Variants in TUSC3 observed in about 807,000 individuals in gnomAD.
TUSC3 encodes the protein tumor suppressor candidate 3.
In TUSC3, 45 loss-of-function variants were observed where a neutral mutation model predicts 44.8. That is an observed-to-expected ratio of 1.00 (90% CI 0.79 to 1.29). The LOEUF is 1.29. Ranked by LOEUF, TUSC3 falls within the 50% of genes most tolerant of loss-of-function variation. TUSC3 has a pLI of 0.00. For synonymous variants in TUSC3, 212 were observed against 152.9 expected, an observed-to-expected ratio of 1.39 and a Z score of -2.85; for missense variants, 519 against 437.9, an observed-to-expected ratio of 1.19 and a Z score of -1.65.
intron 1 of TUSC3, among the ~76,000 whole-genome samples, chr8:15,465,086 G>C (rs1452791593): frequency 6.6e-6 from 1 of 152,118 alleles, no homozygotes; most frequent in African/African-American, 2.4e-5. Context: ...CTGACCTCGT[G>C]ATCCACCTGC....
chr8:15,698,125 C>G (rs1376389823), intron 6 of TUSC3, among the ~76,000 whole-genome samples: 1 of 151,992 alleles, frequency 6.6e-6, no homozygotes, highest in Non-Finnish European at 1.5e-5. Flanking sequence ...TTAAAAAATA[C>G]TATTGAAGTT....
At chr8:15,593,062 TTATTA>T (rs1354234248) in intron 1 of TUSC3, among the ~76,000 whole-genome samples, 2 of 152,122 alleles carry the variant, frequency 1.3e-5, no homozygotes, top group Non-Finnish European at 2.9e-5. Context: ...CATAAACTCT[TTATTA>T]TATATTAATG....
intron 6 of TUSC3, among the ~76,000 whole-genome samples, chr8:15,678,903 G>A (rs1178932461): frequency 6.6e-6 from 1 of 152,114 alleles, no homozygotes; most frequent in Non-Finnish European, 1.5e-5. Context: ...GTGTGAATTT[G>A]CACCTCTAGC....
chr8:15,726,205 G>A (rs758180575), intron 6 of TUSC3, among the ~76,000 whole-genome samples: 1 of 151,956 alleles, frequency 6.6e-6, no homozygotes, highest in South Asian at 2.1e-4. Flanking sequence ...CTGATATATA[G>A]TATATTTAGC....
chr8:15,420,356 G>T (rs974656248), intron 1 of TUSC3, among the ~76,000 whole-genome samples: 3 of 151,956 alleles, frequency 2.0e-5, no homozygotes, highest in Non-Finnish European at 4.4e-5. Flanking sequence ...AAAATTAGCC[G>T]GGCATGGTGG....
chr8:15,626,344 G>A (rs759608854), intron 2 of TUSC3, among the ~76,000 whole-genome samples: 1 of 152,236 alleles, frequency 6.6e-6, no homozygotes, highest in African/African-American at 2.4e-5. Flanking sequence ...GGGCAGTCAG[G>A]TATGGAGGGG....
intron 1 of TUSC3, among the ~76,000 whole-genome samples, chr8:15,446,167 C>A (rs180821516): frequency 6.7e-6 from 1 of 148,978 alleles, no homozygotes; most frequent in Non-Finnish European, 1.5e-5. Context: ...ACATCCCAGA[C>A]GGGGCATCGG....
At chr8:15,812,330 C>T in the TUSC3 span, among the ~76,000 whole-genome samples, 24 of 152,126 alleles carry the variant, frequency 1.6e-4, 1 homozygote, top group South Asian at 4.1e-4. Context: ...TGTCTGTGTA[C>T]GTTCTAACTA....
chr8:15,556,921 T>TAGGTTGTG (rs1802290374), intron 1 of TUSC3, among the ~76,000 whole-genome samples: 1 of 149,362 alleles, frequency 6.7e-6, no homozygotes, highest in African/African-American at 2.4e-5. Context: ...GTCAGATGAG[T>TAGGTTGTG]AGGTTGTGAA....
At chr8:15,517,816 AT>A (rs1801240898) in intron 2 of TUSC3, among the ~76,000 whole-genome samples, 1 of 152,034 alleles carries the variant, frequency 6.6e-6, no homozygotes, top group African/African-American at 2.4e-5. Flanking sequence ...TAAATAATGC[AT>A]ATGTGTTTTT....
intron 1 of TUSC3, among the ~76,000 whole-genome samples, chr8:15,575,152 G>A (rs549328598): frequency 5.4e-5 from 7 of 130,048 alleles, no homozygotes; most frequent in African/African-American, 2.0e-4. Context: ...ATAATTTTGC[G>A]ATAGATGTAT....
chr8:15,525,521 G>T (rs772428485), intron 2 of TUSC3, among the ~76,000 whole-genome samples: 4 of 152,164 alleles, frequency 2.6e-5, no homozygotes, highest in Non-Finnish European at 5.9e-5. Context: ...AATACTGATA[G>T]GTATGTCTCA....
intron 1 of TUSC3, among the ~76,000 whole-genome samples, chr8:15,473,987 T>A (rs1367622249): frequency 6.6e-6 from 1 of 152,148 alleles, no homozygotes; most frequent in African/African-American, 2.4e-5. Context: ...TTGGTCCTTA[T>A]CTCAACCACT....
At chr8:15,418,914 G>A (rs1266181419) in intron 1 of TUSC3, among the ~76,000 whole-genome samples, 1 of 152,162 alleles carries the variant, frequency 6.6e-6, no homozygotes, top group Admixed American at 6.5e-5. Context: ...GCTGAGATAG[G>A]AGGATCACAT....
intron 9 of TUSC3, among the ~76,000 whole-genome samples, chr8:15,750,858 T>C (rs1374336771): frequency 6.6e-6 from 1 of 152,314 alleles, no homozygotes; most frequent in African/African-American, 2.4e-5. Flanking sequence ...ATGAAACTCT[T>C]GTAAGAAGTC....
At chr8:15,519,894 G>C (rs1283997954) in intron 2 of TUSC3, among the ~76,000 whole-genome samples, 1 of 152,146 alleles carries the variant, frequency 6.6e-6, no homozygotes, top group Non-Finnish European at 1.5e-5. Context: ...TAATAGTCTT[G>C]CCATATTGTC....
At chr8:15,833,715 A>G in the TUSC3 span, among the ~76,000 whole-genome samples, 1 of 152,094 alleles carries the variant, frequency 6.6e-6, no homozygotes, top group Non-Finnish European at 1.5e-5. Flanking sequence ...GAGAGAAATG[A>G]CCACAGAAAA....
At chr8:15,625,873 T>C (rs1251829456) in intron 2 of TUSC3, among the ~76,000 whole-genome samples, 2 of 152,206 alleles carry the variant, frequency 1.3e-5, no homozygotes, top group African/African-American at 4.8e-5. Flanking sequence ...CGTTAGGTGA[T>C]TTTGAATTCT....
chr8:15,807,114 G>A, the TUSC3 span: 8 of 1,166,840 alleles, frequency 6.9e-6, no homozygotes, highest in African/African-American at 6.0e-5. Flanking sequence ...GTTATACACA[G>A]CAAAGAATGA....
Sources: gnomAD v4.1 joint callset for allele counts (sites outside exome capture counted in the v4.1 genomes callset) on GRCh38, gnomAD v4.1.1 for gene constraint, MANE v1.5 for transcripts, NCBI Gene and HGNC (gene_info 2026-07-23, HGNC 2026-07-21) for gene names.